Variants in AGBL1 observed in about 807,000 individuals in gnomAD.
AGBL1 encodes AGBL carboxypeptidase 1, also known as cytosolic carboxypeptidase 4.
AGBL1 carries 130 observed loss-of-function variants against 118.9 expected under a neutral mutation model. The observed-to-expected ratio is 1.09, with a 90% CI of 0.95 to 1.26. AGBL1 has a LOEUF of 1.26. Ranked by LOEUF, AGBL1 falls within the 50% of genes most tolerant of loss-of-function variation. The pLI is 0.00. For missense variants in AGBL1, 1,584 were observed against 1,298.1 expected (o/e 1.22, Z -3.38); for synonymous variants, 555 against 478.9 (o/e 1.16, Z -2.08).
rs540776202 is a variant in AGBL1 at position 86,126,686 on chromosome 15, G to T, written c.52-15318G>T. 2.6e-5 allele frequency among the ~76,000 whole-genome samples: 4 copies of T among 152,232 alleles called. 1 individual carries two copies. In the South Asian group the frequency reaches 8.3e-4, roughly 32 times the overall value. ...AGGGGTTAGTGGGATTTATAATAGA[G>T]ATACAGATAAAAAATACATTTGATT... is the stretch of plus-strand genomic sequence containing the variant. On this transcript the variant is annotated intron_variant, in intron 1 of 22. Transcript: ENST00000614907.
chr15:86,265,818 G>A (rs183665920), intron 11 of AGBL1, among the ~76,000 whole-genome samples: 207 of 152,272 alleles, frequency 1.4e-3, no homozygotes, highest in African/African-American at 4.8e-3. Flanking sequence ...GGAAATTCAG[G>A]AAGGTAATCT....
intron 18 of AGBL1, among the ~76,000 whole-genome samples, chr15:86,515,300 G>T (rs1441021834): frequency 2.0e-5 from 3 of 152,132 alleles, no homozygotes; most frequent in African/African-American, 7.2e-5. Context: ...TTCCTCTGGA[G>T]TTTCTCCATT....
chr15:86,532,692 A>G (rs2083367496), intron 19 of AGBL1, among the ~76,000 whole-genome samples: 3 of 151,834 alleles, frequency 2.0e-5, no homozygotes, highest in Admixed American at 1.3e-4. Context: ...GAGGCATCAG[A>G]CTACCTGACT....
chr15:86,573,419 CAGA>C (rs759159073), intron 21 of AGBL1, among the ~76,000 whole-genome samples: 1 of 152,160 alleles, frequency 6.6e-6, no homozygotes, highest in Non-Finnish European at 1.5e-5. Flanking sequence ...TAAGAGAACA[CAGA>C]AGAAGGAGAT....
chr15:86,082,904 C>G (rs1895381382), intron 1 of AGBL1, among the ~76,000 whole-genome samples: 1 of 152,214 alleles, frequency 6.6e-6, no homozygotes, highest in Non-Finnish European at 1.5e-5. Flanking sequence ...GGATCCAGCC[C>G]CTTGTCTGGC....
chr15:86,839,236 T>A (rs1306603538), intron 22 of AGBL1, among the ~76,000 whole-genome samples: 1 of 152,208 alleles, frequency 6.6e-6, no homozygotes, highest in Non-Finnish European at 1.5e-5. Context: ...AGCAACTTGT[T>A]CTCTGAAAAG....
intron 5 of AGBL1, among the ~76,000 whole-genome samples, chr15:86,162,465 C>T (rs1447415296): frequency 6.6e-6 from 1 of 152,194 alleles, no homozygotes; most frequent in Non-Finnish European, 1.5e-5. Flanking sequence ...GCTCCAACCA[C>T]ATACTTGCTA....
chr15:86,445,907 A>G (rs112539142), intron 18 of AGBL1, among the ~76,000 whole-genome samples: 7 of 152,324 alleles, frequency 4.6e-5, no homozygotes, highest in African/African-American at 1.7e-4. Context: ...CCCTGTTAGC[A>G]GGATTGGGGC....
chr15:86,726,230 G>A lies in AGBL1; in HGVS notation c.3158+51794G>A, dbSNP rs116422343. Among the ~76,000 whole-genome samples the A allele has an allele frequency of 4.9e-3, 743 of 152,306 alleles. 6 individuals are homozygous for A. Among genetic ancestry groups the A allele is most frequent in the African/African-American group, 0.017 (708 of 41,576 alleles). On this transcript the variant is annotated intron_variant, in intron 22 of 22. Transcript: ENST00000614907. The stretch of plus-strand genomic sequence containing the variant: ...AAGCTCTCAATTACTTGGCAGAGCT[G>A]TGACTAAATCTTTTGTTTTCTGGTC...
chr15:86,886,270 T>C (rs1309397731), intron 22 of AGBL1, among the ~76,000 whole-genome samples: 2 of 152,264 alleles, frequency 1.3e-5, no homozygotes, highest in Non-Finnish European at 2.9e-5. Flanking sequence ...TAAAATCATC[T>C]ATAAAATTGC....
intron 16 of AGBL1, among the ~76,000 whole-genome samples, chr15:86,282,385 A>T (rs1174139582): frequency 1.3e-5 from 2 of 152,182 alleles, no homozygotes; most frequent in Non-Finnish European, 2.9e-5. Context: ...ATAACTACTT[A>T]CGACTTTTTA....
intron 24 of AGBL1, among the ~76,000 whole-genome samples, chr15:87,023,645 T>C (rs1437604780): frequency 6.6e-6 from 1 of 152,050 alleles, no homozygotes; most frequent in Admixed American, 6.6e-5. Context: ...TTAACAGATA[T>C]ATACAGAACA....
At chr15:86,242,809 G>A (rs1441015092) in intron 6 of AGBL1, among the ~76,000 whole-genome samples, 3 of 152,192 alleles carry the variant, frequency 2.0e-5, no homozygotes, top group Non-Finnish European at 4.4e-5. Context: ...AGGAGCAGTG[G>A]GCTGCTTGCA....
At chr15:86,921,390 A>G (rs1372607463) in intron 23 of AGBL1, among the ~76,000 whole-genome samples, 1 of 152,122 alleles carries the variant, frequency 6.6e-6, no homozygotes, top group Non-Finnish European at 1.5e-5. Context: ...TCGGGGTCCA[A>G]GTTTCTGAAA....
intron 21 of AGBL1, among the ~76,000 whole-genome samples, chr15:86,608,627 G>A (rs150991308): frequency 4.6e-5 from 7 of 152,210 alleles, no homozygotes; most frequent in Middle Eastern, 3.4e-3. Flanking sequence ...TGAGCTGCAG[G>A]ATTCACCAGC....
intron 23 of AGBL1, among the ~76,000 whole-genome samples, chr15:86,983,231 G>A (rs1433078700): frequency 6.6e-6 from 1 of 151,774 alleles, no homozygotes; most frequent in Non-Finnish European, 1.5e-5. Context: ...TATTTACTGT[G>A]GTGTTTATCT....
At position 86,893,683 on chromosome 15, in the gene AGBL1, TTGAGGA is replaced by T. The variant is rs1199750308; in HGVS notation, c.3159-13395_3159-13390del. ...AAGCTGCATTTATATAGGTTTATGTTTGAGGATGAGGATGGTGAACTTGCCAGGAGA... is the reference window on the plus strand; with the variant it reads ...AAGCTGCATTTATATAGGTTTATGTTTGAGGATGGTGAACTTGCCAGGAGA... On this transcript the variant is annotated intron_variant, in intron 22 of 22. Transcript: ENST00000614907. Among the ~76,000 whole-genome samples the T allele has an allele frequency of 2.0e-5, 3 of 152,280 alleles. No individual in the cohort carries two copies. The East Asian group carries it at 5.8e-4, about 29-fold the overall frequency.
chr15:86,295,692 C>T (rs186540660), intron 17 of AGBL1: 1 of 237,874 alleles, frequency 4.2e-6, no homozygotes, highest in East Asian at 8.3e-5. Context: ...GAACCAGGAC[C>T]CTGAATCATA....
chr15:86,330,019 G>T (rs1417600264), intron 17 of AGBL1, among the ~76,000 whole-genome samples: 1 of 152,212 alleles, frequency 6.6e-6, no homozygotes, highest in Non-Finnish European at 1.5e-5. Context: ...GCACACATCT[G>T]GGTGCTTGGT....
Sources: gnomAD v4.1 joint callset for allele counts (sites outside exome capture counted in the v4.1 genomes callset) on GRCh38, gnomAD v4.1.1 for gene constraint, MANE v1.5 for transcripts, NCBI Gene and HGNC (gene_info 2026-07-23, HGNC 2026-07-21) for gene names.